CLSTN2: variants seen among roughly 807,000 people sequenced by gnomAD.
CLSTN2 encodes calsyntenin 2, also known as calsyntenin-2.
In CLSTN2, 48 loss-of-function variants were observed where a neutral mutation model predicts 101.2. The ratio of observed to expected loss-of-function variants is 0.47; its 90% CI spans 0.38 to 0.60. The LOEUF (loss-of-function observed/expected upper bound fraction) is 0.60. Ranked by LOEUF, CLSTN2 falls within the 20% of genes least tolerant of loss-of-function variation. The pLI is 0.00. For synonymous variants in CLSTN2, 481 were observed against 463.6 expected, an observed-to-expected ratio of 1.04 and a Z score of -0.48; for missense variants, 1,160 against 1,238.2, an observed-to-expected ratio of 0.94 and a Z score of 0.95.
intron 2 of CLSTN2, among the ~76,000 whole-genome samples, chr3:140,301,627 A>G (rs2087059719): frequency 6.6e-6 from 1 of 152,242 alleles, no homozygotes; most frequent in African/African-American, 2.4e-5. Context: ...TCTTGCCCCA[A>G]AAGGGTCACA....
Position 140,532,320 on chromosome 3 carries a change from T to C in CLSTN2, c.1345-4T>C, listed in dbSNP as rs972022946. 6 of 1,591,348 alleles carry C rather than the reference T, an allele frequency of 3.8e-6. No individual in the cohort carries two copies. The highest frequency in any genetic ancestry group is 2.7e-5 in the African/African-American group (2 of 74,296). ...TAAATGTTGCTTCTCTTTCCTTTTCTTAGATTTGTGACAAAGAGTGGCACT... is the reference window on the plus strand; with the variant it reads ...TAAATGTTGCTTCTCTTTCCTTTTCCTAGATTTGTGACAAAGAGTGGCACT... On this transcript the variant is annotated splice_polypyrimidine_tract_variant and splice_region_variant and intron_variant, in intron 8 of 16. Transcript: ENST00000458420.
At chr3:140,027,416 G>T (rs1372365537) in intron 1 of CLSTN2, among the ~76,000 whole-genome samples, 1 of 152,106 alleles carries the variant, frequency 6.6e-6, no homozygotes, top group Non-Finnish European at 1.5e-5. Context: ...ACCAATGAAT[G>T]CCAAGCTCCA....
At chr3:140,082,703 AG>A (rs2008619372) in intron 1 of CLSTN2, among the ~76,000 whole-genome samples, 1 of 152,182 alleles carries the variant, frequency 6.6e-6, no homozygotes, top group African/African-American at 2.4e-5. Context: ...TCTTGCCAGA[AG>A]TTGTCTGTAC....
chr3:140,219,488 AT>A (rs2086246014), intron 2 of CLSTN2, among the ~76,000 whole-genome samples: 2 of 152,210 alleles, frequency 1.3e-5, no homozygotes, highest in African/African-American at 4.8e-5. Context: ...ATGGCATTTT[AT>A]CTGGGAGCGA....
intron 1 of CLSTN2, among the ~76,000 whole-genome samples, chr3:140,112,131 A>T (rs2009166670): frequency 6.6e-6 from 1 of 152,228 alleles, no homozygotes; most frequent in Non-Finnish European, 1.5e-5. Context: ...TTTTCTTTAA[A>T]ATAGAACACA....
At chr3:140,539,401 G>C (rs770335774) in intron 9 of CLSTN2, among the ~76,000 whole-genome samples, 5 of 152,160 alleles carry the variant, frequency 3.3e-5, no homozygotes, top group Admixed American at 6.5e-5. Context: ...AGATGATACA[G>C]ATTAAAATCA....
chr3:140,454,077 G>C (rs1206034756), intron 6 of CLSTN2, among the ~76,000 whole-genome samples: 1 of 152,204 alleles, frequency 6.6e-6, no homozygotes, highest in Non-Finnish European at 1.5e-5. Flanking sequence ...AAGGAAAATA[G>C]GTGAACACCT....
intron 1 of CLSTN2, among the ~76,000 whole-genome samples, chr3:140,093,175 G>A (rs2008810444): frequency 6.6e-6 from 1 of 152,198 alleles, no homozygotes; most frequent in South Asian, 2.1e-4. Flanking sequence ...GCTTCCTTGG[G>A]TGCGGTGGGG....
Position 139,935,648 on chromosome 3 carries a change from C to T in CLSTN2, c.109+165C>T, listed in dbSNP as rs1034172125. On this transcript the variant is annotated intron_variant, in intron 1 of 16. Transcript: ENST00000458420. The surrounding 1 kb of genome is among the most constrained non-coding windows in gnomAD (Gnocchi z 5.5). Reference sequence around the variant, plus strand: ...TTCCCGAAGTCAGTTCCCTGCGCAGCGGACCAGAGAGGTCCACCCGCGGAC... The same window carrying T: ...TTCCCGAAGTCAGTTCCCTGCGCAGTGGACCAGAGAGGTCCACCCGCGGAC... Among the ~76,000 whole-genome samples the T allele has an allele frequency of 6.6e-6, 1 of 152,182 alleles. No homozygotes were observed. The highest frequency in any genetic ancestry group is 1.9e-4 in the East Asian group (1 of 5,174).
At chr3:140,206,678 G>T (rs59640412) in intron 2 of CLSTN2, among the ~76,000 whole-genome samples, 1 of 152,298 alleles carries the variant, frequency 6.6e-6, no homozygotes, top group South Asian at 2.1e-4. Flanking sequence ...TGAAGCAGCC[G>T]AGGAGAGAGG....
chr3:140,142,988 T>C (rs1187376787), intron 1 of CLSTN2, among the ~76,000 whole-genome samples: 1 of 152,196 alleles, frequency 6.6e-6, no homozygotes, highest in African/African-American at 2.4e-5. Flanking sequence ...ACTAACATTA[T>C]GTCCACTGAG....
intron 1 of CLSTN2, among the ~76,000 whole-genome samples, chr3:139,958,463 C>T (rs1271755560): frequency 6.6e-6 from 1 of 152,144 alleles, no homozygotes; most frequent in Non-Finnish European, 1.5e-5. Context: ...CCATGCATTT[C>T]TGTACAAAAG....
intron 8 of CLSTN2, among the ~76,000 whole-genome samples, chr3:140,513,829 TTCAGGGATTCA>T (rs1317979849): frequency 6.6e-6 from 1 of 152,062 alleles, no homozygotes; most frequent in African/African-American, 2.4e-5. Context: ...TATTGGTCTA[TTCAGGGATTCA>T]ATTTCTTCCT....
intron 5 of CLSTN2, among the ~76,000 whole-genome samples, chr3:140,437,937 G>A (rs1046716893): frequency 6.6e-6 from 1 of 151,860 alleles, no homozygotes. Flanking sequence ...ACCTTATGTC[G>A]TATTTATTCC....
At chr3:140,456,557 C>A (rs927825059) in intron 6 of CLSTN2, among the ~76,000 whole-genome samples, 1 of 152,110 alleles carries the variant, frequency 6.6e-6, no homozygotes, top group Non-Finnish European at 1.5e-5. Context: ...GAGGCTGAGG[C>A]GGGCAGATCA....
chr3:140,512,317 C>G (rs1934830408), intron 8 of CLSTN2, among the ~76,000 whole-genome samples: 1 of 149,892 alleles, frequency 6.7e-6, no homozygotes, highest in African/African-American at 2.4e-5. Flanking sequence ...ATTTTTGCAT[C>G]TATAGTTTTC....
chr3:140,275,335 C>T (rs1390417936), intron 2 of CLSTN2, among the ~76,000 whole-genome samples: 1 of 151,868 alleles, frequency 6.6e-6, no homozygotes, highest in Admixed American at 6.6e-5. Context: ...TGCAGCAGCA[C>T]ACTCAGAGCT....
Position 140,239,791 on chromosome 3 carries a change from A to G in CLSTN2, c.232+63718A>G, listed in dbSNP as rs909194962. 1.2e-4 allele frequency among the ~76,000 whole-genome samples: 19 copies of G among 152,144 alleles called. 1 individual carries two copies. Among genetic ancestry groups the G allele is most frequent in the Non-Finnish European group, 1.9e-4 (13 of 68,010 alleles). ...CTATAGCCAGGCCAGAGATTGTGAA[A>G]TGCCATTGATTATAAAATACAACAT... On this transcript the variant is annotated intron_variant, in intron 2 of 16. Coordinates refer to ENST00000458420, the MANE Select transcript of CLSTN2 (RefSeq NM_022131.3).
intron 2 of CLSTN2, among the ~76,000 whole-genome samples, chr3:140,279,023 A>G (rs774441670): frequency 4.3e-4 from 66 of 152,146 alleles, no homozygotes; most frequent in Admixed American, 7.9e-4. Flanking sequence ...CCTGCTCTCC[A>G]TTCTTCTGAT....
Sources: gnomAD v4.1 joint callset for allele counts (sites outside exome capture counted in the v4.1 genomes callset) on GRCh38, gnomAD v4.1.1 for gene constraint, Gnocchi (gnomAD v3.1) non-coding constraint, MANE v1.5 for transcripts, NCBI Gene and HGNC (gene_info 2026-07-23, HGNC 2026-07-21) for gene names.